The following C2CD3 variants were observed in gnomAD, a reference collection of about 807,000 sequenced individuals.
C2CD3 encodes the protein C2 domain-containing protein 3.
A neutral mutation model predicts 234.0 loss-of-function variants in C2CD3; 148 were observed. The observed-to-expected ratio is 0.63, with a 90% CI of 0.55 to 0.72. C2CD3 has a LOEUF of 0.72. Ranked by LOEUF, C2CD3 falls within the 30% of genes least tolerant of loss-of-function variation. The pLI, the probability that C2CD3 is intolerant of heterozygous loss-of-function variation, is 0.00. For synonymous variants in C2CD3, 1,000 were observed against 1,035.4 expected, an observed-to-expected ratio of 0.97 and a Z score of 0.66; for missense variants, 2,577 against 2,811.5, an observed-to-expected ratio of 0.92 and a Z score of 1.89.
chr11:74,038,289 A>C (rs1952842490), intron 29 of C2CD3, among the ~76,000 whole-genome samples: 1 of 152,224 alleles, frequency 6.6e-6, no homozygotes, highest in Admixed American at 6.5e-5. Flanking sequence ...TGGATGGATA[A>C]AAGGACATAA....
chr11:74,147,041 ACT>A (rs1478407369), intron 3 of C2CD3, among the ~76,000 whole-genome samples: 1 of 151,332 alleles, frequency 6.6e-6, no homozygotes, highest in Non-Finnish European at 1.5e-5. Flanking sequence ...ACAGAGTAAG[ACT>A]CTGTCTCAAA....
At chr11:74,107,029 A>G (rs1956549666) in intron 12 of C2CD3, among the ~76,000 whole-genome samples, 1 of 152,170 alleles carries the variant, frequency 6.6e-6, no homozygotes, top group South Asian at 2.1e-4. Context: ...GTACTAAAGA[A>G]ATAATAAATA....
At position 74,098,022 on chromosome 11, in the gene C2CD3, G is replaced by A. The variant is rs1324029319; in HGVS notation, c.2966C>T (p.Ala989Val). Residue 989 changes from alanine (A) to valine (V), a missense_variant, in exon 16 of 33, where the codon GCA becomes GTA. Coordinates refer to ENST00000334126, the MANE Select transcript of C2CD3 (RefSeq NM_001286577.2). ...AGCGTTTATTACCATAGCAACAGATGCTGCAGTTGGCTGGTCCAGGAAATG... is the reference window on the plus strand; with the variant it reads ...AGCGTTTATTACCATAGCAACAGATACTGCAGTTGGCTGGTCCAGGAAATG... ...PAHFLDQPTA[A>V]SVAMAEDRGN... 3 of 1,613,822 alleles carry A rather than the reference G, an allele frequency of 1.9e-6. No individual in the cohort carries two copies. The highest frequency in any genetic ancestry group is 2.5e-6 in the Non-Finnish European group (3 of 1,179,908).
chr11:74,081,322 G>GT (rs1955347835), intron 22 of C2CD3, among the ~76,000 whole-genome samples: 1 of 152,100 alleles, frequency 6.6e-6, no homozygotes, highest in South Asian at 2.1e-4. Context: ...TGCCTTGGTG[G>GT]TTGTGTCTAT....
At chr11:74,056,741 T>C (rs1283179819) in intron 25 of C2CD3, among the ~76,000 whole-genome samples, 1 of 152,214 alleles carries the variant, frequency 6.6e-6, no homozygotes, top group Non-Finnish European at 1.5e-5. Context: ...TTGTTTGGAA[T>C]ATCTTTCCGA....
Position 74,092,466 on chromosome 11 carries a change from G to A in C2CD3, c.3467C>T (p.Pro1156Leu), listed in dbSNP as rs2135483699. ...EDVGIQTFNL[P>L]LTPRIENRKE... ...CCTGTTCTCAATCCTGGGGGTTAAA[G>A]GGAGATTAAAGGTCTGTATTCCCAC... Residue 1156 changes from proline (P) to leucine (L), a missense_variant, in exon 19 of 33, where the codon CCT becomes CTT. By Grantham distance (98) the Pro-to-Leu change is moderately conservative. Transcript: ENST00000334126. 3 of 1,613,860 alleles carry A rather than the reference G, an allele frequency of 1.9e-6. No individual in the cohort carries two copies. Among genetic ancestry groups the A allele is most frequent in the South Asian group, 2.2e-5 (2 of 91,076 alleles).
chr11:74,168,672 A>G, intron 1 of C2CD3, 59 bp from the exon 2 acceptor site: 4 of 1,457,598 alleles, frequency 2.7e-6, no homozygotes, highest in Non-Finnish European at 3.8e-6. Context: ...AAAACATATA[A>G]TATGCTTTTT....
At chr11:74,146,727 C>CA in intron 3 of C2CD3, among the ~76,000 whole-genome samples, 1 of 146,244 alleles carries the variant, frequency 6.8e-6, no homozygotes, top group African/African-American at 2.6e-5. Flanking sequence ...CACACACACA[C>CA]ACACACACAC....
chr11:74,164,033 A>T, intron 2 of C2CD3: 1 of 259,700 alleles, frequency 3.9e-6, no homozygotes, highest in Non-Finnish European at 6.0e-6. Context: ...CTTTAAATTG[A>T]CAGAACTGGG....
intron 28 of C2CD3, among the ~76,000 whole-genome samples, chr11:74,047,336 A>G (rs1273728856): frequency 6.6e-6 from 1 of 152,222 alleles, no homozygotes; most frequent in Non-Finnish European, 1.5e-5. Flanking sequence ...AGCTTTTAAA[A>G]TTACTAAAGG....
chr11:74,094,929 A>G (rs1380371103), intron 17 of C2CD3, among the ~76,000 whole-genome samples: 2 of 152,202 alleles, frequency 1.3e-5, no homozygotes, highest in Non-Finnish European at 2.9e-5. Flanking sequence ...TATAGATAAG[A>G]GTGGGCATGT....
chr11:74,121,155 CTG>C (rs1031772541), intron 8 of C2CD3, among the ~76,000 whole-genome samples: 1 of 152,202 alleles, frequency 6.6e-6, no homozygotes, highest in African/African-American at 2.4e-5. Flanking sequence ...TGATGACACA[CTG>C]TGGTCTAGTA....
chr11:74,138,655 G>C (rs190928150), intron 5 of C2CD3, 65 bp downstream of exon 5: 6 of 1,313,946 alleles, frequency 4.6e-6, no homozygotes, highest in African/African-American at 1.5e-5. Flanking sequence ...TTGTAGGCTG[G>C]CTAACAAGCA....
Position 74,077,444 on chromosome 11 carries a change from T to G in C2CD3, c.4603+671A>C, listed in dbSNP as rs182681173. Reference sequence around the variant, plus strand: ...CTTTCTTAAGCAGGCAGTGGAACTTTAAAAACAATCTCTTTAGGGATGAGT... The same window carrying G: ...CTTTCTTAAGCAGGCAGTGGAACTTGAAAAACAATCTCTTTAGGGATGAGT... On this transcript the variant is annotated intron_variant, in intron 23 of 32. Transcript: ENST00000334126. Among the ~76,000 whole-genome samples, 92 of 152,110 alleles carry G rather than the reference T, an allele frequency of 6.0e-4. 1 individual carries two copies. The highest frequency in any genetic ancestry group is 2.1e-3 in the African/African-American group (89 of 41,524).
intron 3 of C2CD3, among the ~76,000 whole-genome samples, chr11:74,159,116 T>G (rs1050343696): frequency 3.9e-5 from 6 of 152,214 alleles, no homozygotes; most frequent in Non-Finnish European, 8.8e-5. Flanking sequence ...GTGACTATAG[T>G]GTTGTAATGT....
intron 24 of C2CD3, among the ~76,000 whole-genome samples, chr11:74,067,970 T>C (rs1024882115): frequency 6.6e-6 from 1 of 152,202 alleles, no homozygotes; most frequent in Non-Finnish European, 1.5e-5. Flanking sequence ...ATTGTGTTTT[T>C]TGATCTAGCA....
In C2CD3 at chr11:74,037,467, C is replaced by A; in HGVS notation, c.5881+11G>T. The stretch of plus-strand genomic sequence containing the variant: ...CCATAACATCTCAACAAGAAAGGAT[C>A]TGAGTCATACCTGTGATTAAGGAGC... On this transcript the variant is annotated intron_variant, in intron 30 of 32. Transcript: ENST00000334126. 6.2e-7 allele frequency: 1 copy of A among 1,601,448 alleles called. No individual in the cohort carries two copies. Among genetic ancestry groups the A allele is most frequent in the South Asian group, 1.1e-5 (1 of 90,772 alleles).
Position 74,033,693 on chromosome 11 carries a change from C to A in C2CD3, c.6467G>T (p.Cys2156Phe), listed in dbSNP as rs1336985789. The change falls in exon 31 of 33, where the codon TGT becomes TTT. Residue 2156 changes from cysteine (C) to phenylalanine (F), a missense_variant. Coordinates refer to ENST00000334126, the MANE Select transcript of C2CD3 (RefSeq NM_001286577.2). ...ACCAACCCTGGCCTTAGAGGCCTCA[C>A]ACTCACAAGCAACAAGACTTTGGCT... is the stretch of plus-strand genomic sequence containing the variant. Reference protein sequence around the residue: ...SPSQSLVACECEASKARVGGE... With the variant: ...SPSQSLVACEFEASKARVGGE... 2 of 1,536,318 alleles carry A rather than the reference C, an allele frequency of 1.3e-6. No individual in the cohort carries two copies. Among genetic ancestry groups the A allele is most frequent in the Middle Eastern group, 1.7e-4 (1 of 5,992 alleles).
At chr11:74,022,305 A>C (rs1216471103) in intron 32 of C2CD3, among the ~76,000 whole-genome samples, 1 of 152,144 alleles carries the variant, frequency 6.6e-6, no homozygotes, top group African/African-American at 2.4e-5. Flanking sequence ...GGCAGGAGTA[A>C]CTACATGGAT....
Sources: gnomAD v4.1 joint callset for allele counts (sites outside exome capture counted in the v4.1 genomes callset) on GRCh38, gnomAD v4.1.1 for gene constraint, MANE v1.5 for transcripts, NCBI Gene and HGNC (gene_info 2026-07-23, HGNC 2026-07-21) for gene names.